HNRNPA2B1: variants seen among roughly 807,000 people sequenced by gnomAD.
HNRNPA2B1 encodes heterogeneous nuclear ribonucleoprotein A2/B1.
A neutral mutation model predicts 46.3 loss-of-function variants in HNRNPA2B1; 3 were observed. That is an observed-to-expected ratio of 0.06 (90% confidence interval 0.03 to 0.17). HNRNPA2B1 has a LOEUF of 0.17. HNRNPA2B1 is among the 10% of genes least tolerant of loss of function. The pLI is 1.00. For missense variants in HNRNPA2B1, 221 were observed against 418.9 expected (o/e 0.53, Z 4.12); for synonymous variants, 225 against 133.8 (o/e 1.68, Z -4.70).
In HNRNPA2B1 at chr7:26,191,397, A is replaced by G. The variant is rs1420961482; in HGVS notation, c.*963T>C. Reference sequence around the variant, plus strand: ...TTATCTTTTAGGGAGGAAAATTAAGAAAGGAAAAGTAAATAAGATCTTACC... The same window carrying G: ...TTATCTTTTAGGGAGGAAAATTAAGGAAGGAAAAGTAAATAAGATCTTACC... On this transcript the variant is annotated 3_prime_UTR_variant, in exon 11 of 11. Transcript: ENST00000618183. 6.6e-5 allele frequency: 10 copies of G among 152,174 alleles called. No individual in the cohort carries two copies. Among genetic ancestry groups the G allele is most frequent in the African/African-American group, 1.9e-4 (8 of 41,452 alleles). 9.4% of individuals were successfully genotyped at this position (152,174 alleles called of 1,614,324 possible).
chr7:26,196,898 G>T lies in HNRNPA2B1; in HGVS notation c.384C>A (p.Thr128=). The T allele has an allele frequency of 6.2e-7, 1 of 1,613,672 alleles. No individual in the cohort carries two copies. Among genetic ancestry groups the T allele is most frequent in the Non-Finnish European group, 8.5e-7 (1 of 1,179,726 alleles). ...DYFEEYGKID[T]IEIITDRQSG... ...ACTGCCTATCAGTAATTATCTCAAT[G>T]GTATCAATTTTTCCATATTCCTCAA... Residue 128 remains threonine (T), a synonymous_variant, in exon 4 of 11, where the codon ACC becomes ACA. Transcript: ENST00000618183.
At chr7:26,195,731 G>A (rs1202262065) in intron 7 of HNRNPA2B1, 116 bp downstream of exon 7, 6 of 1,153,644 alleles carry the variant, frequency 5.2e-6, no homozygotes, top group African/African-American at 4.8e-5. Flanking sequence ...TATCACCCAA[G>A]CCATTTATAG....
In HNRNPA2B1 at chr7:26,196,793, G is replaced by T; in HGVS notation, c.475+14C>A. ...CACTGGAAAAAAACAGTACATTTGT[G>T]GTTAGACACTTACATACGATTTTAT... On this transcript the variant is annotated intron_variant, in intron 4 of 10. Coordinates refer to ENST00000618183, the MANE Select transcript of HNRNPA2B1 (RefSeq NM_002137.4). 1 of 1,605,702 alleles carries T rather than the reference G, an allele frequency of 6.2e-7. No individual in the cohort carries two copies. Among genetic ancestry groups the T allele is most frequent in the Non-Finnish European group, 8.5e-7 (1 of 1,173,158 alleles).
chr7:26,196,145 T>C (rs530937719), intron 6 of HNRNPA2B1, among the ~76,000 whole-genome samples: 1 of 152,356 alleles, frequency 6.6e-6, no homozygotes, highest in African/African-American at 2.4e-5. Flanking sequence ...TACGTAAGAA[T>C]GACACTTGAT....
intron 9 of HNRNPA2B1, 72 bp downstream of exon 9, chr7:26,193,179 C>T: frequency 7.0e-7 from 1 of 1,433,878 alleles, no homozygotes; most frequent in Non-Finnish European, 9.7e-7. Context: ...AGTATGTTAT[C>T]TTCCCTTTAA....
rs1782985021 is a variant in HNRNPA2B1, at chr7:26,192,237, T to C, written c.*123A>G. 1 of 377,882 alleles carries C rather than the reference T, an allele frequency of 2.6e-6. No individual in the cohort carries two copies. The highest frequency in any genetic ancestry group is 3.8e-5 in the South Asian group (1 of 26,098). 23.4% of individuals were successfully genotyped at this position (377,882 alleles called of 1,614,324 possible). ...CTTCTGCCATATCACTGCATATTTA[T>C]GCATGACTGAGATAAGAGTTTCCTT... On this transcript the variant is annotated 3_prime_UTR_variant, in exon 11 of 11. Coordinates refer to ENST00000618183, the MANE Select transcript of HNRNPA2B1 (RefSeq NM_002137.4).
intron 9 of HNRNPA2B1, among the ~76,000 whole-genome samples, chr7:26,192,892 A>C (rs530827208): frequency 6.6e-6 from 1 of 152,322 alleles, no homozygotes; most frequent in South Asian, 2.1e-4. Flanking sequence ...TAAAAACCTC[A>C]AAAATAAGCT....
chr7:26,196,419 T>C lies in HNRNPA2B1; in HGVS notation c.640A>G (p.Asn214Asp). Residue 214 changes from asparagine (N) to aspartate (D), a missense_variant, in exon 6 of 11, where the codon AAC becomes GAC. By Grantham distance (23) the Asn-to-Asp change is conservative. Coordinates refer to ENST00000618183, the MANE Select transcript of HNRNPA2B1 (RefSeq NM_002137.4). The stretch of plus-strand genomic sequence containing the variant: ...AACTCACCAGATCCTCCTCTAAAGT[T>C]ACTTCCTGGTCCTGGTCCGAAATTT... ...GGNFGPGPGS[N>D]FRGGSDGYGS... 6.2e-7 allele frequency: 1 copy of C among 1,614,080 alleles called. No individual in the cohort carries two copies. Among genetic ancestry groups the C allele is most frequent in the Non-Finnish European group, 8.5e-7 (1 of 1,179,924 alleles).
At chr7:26,195,142 T>G (rs1583980946) in intron 7 of HNRNPA2B1, among the ~76,000 whole-genome samples, 1 of 143,792 alleles carries the variant, frequency 7.0e-6, no homozygotes, top group Non-Finnish European at 1.5e-5. Flanking sequence ...AAAAAGCTTG[T>G]GGGCTGAGTC....
chr7:26,194,120 G>T (rs1357634179), intron 7 of HNRNPA2B1, among the ~76,000 whole-genome samples: 1 of 152,204 alleles, frequency 6.6e-6, no homozygotes, highest in Admixed American at 6.5e-5. Context: ...TCTCGGTTGG[G>T]CACAGTGGCT....
At position 26,193,383 on chromosome 7, in the gene HNRNPA2B1, A is replaced by T; in HGVS notation, c.842-10T>A. ...CCACTTCCATAATTTCCTATTAAAA[A>T]ATTGGAATACTCAGAACAATACAAA... On this transcript the variant is annotated splice_polypyrimidine_tract_variant and intron_variant, in intron 8 of 10. Transcript: ENST00000618183. 1 of 1,609,978 alleles carries T rather than the reference A, an allele frequency of 6.2e-7. No individual in the cohort carries two copies. The highest frequency in any genetic ancestry group is 8.5e-7 in the Non-Finnish European group (1 of 1,176,570).
At position 26,192,103 on chromosome 7, in the gene HNRNPA2B1, G is replaced by C; in HGVS notation, c.*257C>G. The C allele has an allele frequency of 6.3e-6, 1 of 157,566 alleles. No homozygotes were observed. The highest frequency in any genetic ancestry group is 1.4e-5 in the Non-Finnish European group (1 of 71,190). 9.8% of individuals were successfully genotyped at this position (157,566 alleles called of 1,614,324 possible). A position where few individuals can be genotyped will look rare whatever the true frequency, so the allele number is the denominator to read the frequency against. ...AAAGAAACAACAATTAAAAAGCTAA[G>C]AAACTGTCTCAAAGGCATTTTTTTT... On this transcript the variant is annotated 3_prime_UTR_variant, in exon 11 of 11. Transcript: ENST00000618183.
At position 26,197,300 on chromosome 7, in the gene HNRNPA2B1, T is replaced by G. The variant is rs755655979; in HGVS notation, c.264+15A>C. The G allele has an allele frequency of 1.8e-5, 28 of 1,599,124 alleles. No homozygotes were observed. The highest frequency in any genetic ancestry group is 1.6e-4 in the Admixed American group (9 of 57,268). ...TTCTTCATGTTAATGCACAAGACAG[T>G]CATTGTTTGCTTACCTCTCTTGCTA... On this transcript the variant is annotated intron_variant, in intron 3 of 10. Coordinates refer to ENST00000618183, the MANE Select transcript of HNRNPA2B1 (RefSeq NM_002137.4).
chr7:26,193,475 T>C, intron 8 of HNRNPA2B1, 100 bp downstream of exon 8: 2 of 1,529,418 alleles, frequency 1.3e-6, no homozygotes, highest in Non-Finnish European at 1.8e-6. Flanking sequence ...TATCCACAAA[T>C]TTTATGGGCA....
In HNRNPA2B1 at chr7:26,200,682, T is replaced by A. The variant is rs1584021685; in HGVS notation, c.-105A>T. 1 of 1,423,008 alleles carries A rather than the reference T, an allele frequency of 7.0e-7. No individual in the cohort carries two copies. The highest frequency in any genetic ancestry group is 1.1e-5 in the South Asian group (1 of 87,304). The allele number at this position is 1,423,008 out of a possible 1,614,324, so 88.1% of individuals were successfully genotyped here. On this transcript the variant is annotated 5_prime_UTR_variant, in exon 1 of 11. Transcript: ENST00000618183. Reference sequence around the variant, plus strand: ...CTCGTCCTGGCGCTGTAGTGAGAACTGCCGCTGCTCGAGAAACAACTCTGC... The same window carrying A: ...CTCGTCCTGGCGCTGTAGTGAGAACAGCCGCTGCTCGAGAAACAACTCTGC...
At chr7:26,194,160 G>C (rs1783231277) in intron 7 of HNRNPA2B1, among the ~76,000 whole-genome samples, 1 of 152,052 alleles carries the variant, frequency 6.6e-6, no homozygotes, top group Non-Finnish European at 1.5e-5. Context: ...CTTTGGGAAG[G>C]CCGAGGCGGA....
At chr7:26,197,587 A>C (rs1479920151) in intron 2 of HNRNPA2B1, 35 bp downstream of exon 2, 4 of 1,571,526 alleles carry the variant, frequency 2.5e-6, no homozygotes, top group Non-Finnish European at 3.5e-6. Context: ...CAGCTAAAAG[A>C]CTAATATCCA....
At chr7:26,194,896 C>G (rs559033648) in intron 7 of HNRNPA2B1, among the ~76,000 whole-genome samples, 1 of 151,448 alleles carries the variant, frequency 6.6e-6, no homozygotes, top group East Asian at 2.0e-4. Flanking sequence ...GAGTTCAAGA[C>G]CAGCCTGACC....
rs541784109 is a variant in HNRNPA2B1, at chr7:26,195,781, A to C, written c.721+66T>G. 3.3e-6 allele frequency: 5 copies of C among 1,531,782 alleles called. No individual in the cohort carries two copies. In the East Asian group the frequency reaches 1.2e-4, roughly 37 times the overall value. The allele number at this position is 1,531,782 out of a possible 1,614,324, so 94.9% of individuals were successfully genotyped here. ...TGTTTAAAAACTCAAAATATAAATG[A>C]AGTAAATATACGATATAGTTAAGTA... On this transcript the variant is annotated intron_variant, in intron 7 of 10. Coordinates refer to ENST00000618183, the MANE Select transcript of HNRNPA2B1 (RefSeq NM_002137.4).
Sources: allele counts gnomAD v4.1 joint callset (sites outside exome capture counted in the v4.1 genomes callset), GRCh38; gene constraint gnomAD v4.1.1; transcripts MANE v1.5; gene names NCBI Gene and HGNC (gene_info 2026-07-23, HGNC 2026-07-21).